Variants in ITIH3 observed in about 807,000 individuals in gnomAD.
ITIH3 encodes the protein inter-alpha-trypsin inhibitor heavy chain 3, also known as inter-alpha-trypsin inhibitor heavy chain H3.
In ITIH3, 81 loss-of-function variants were observed where a neutral mutation model predicts 96.5. The observed-to-expected ratio is 0.84, with a 90% CI of 0.70 to 1.01. ITIH3 has a LOEUF of 1.01. ITIH3 is among the 50% of genes least tolerant of loss of function. The probability of loss-of-function intolerance (pLI) is 0.00; values close to 1 mark genes in which losing one functional copy is unlikely to be tolerated. For synonymous variants in ITIH3, 422 were observed against 445.2 expected, an observed-to-expected ratio of 0.95 and a Z score of 0.66; for missense variants, 1,057 against 1,139.3, an observed-to-expected ratio of 0.93 and a Z score of 1.04.
chr3:52,801,951 C>A (rs1342699835), intron 11 of ITIH3, among the ~76,000 whole-genome samples: 1 of 152,226 alleles, frequency 6.6e-6, no homozygotes, highest in African/African-American at 2.4e-5. Context: ...TTCCCTCCCT[C>A]CTCTGTCTCC....
In ITIH3 at chr3:52,802,483, C is replaced by T; in HGVS notation, c.1533C>T (p.Asp511=). 6.2e-7 allele frequency: 1 copy of T among 1,613,876 alleles called. No individual in the cohort carries two copies. Among genetic ancestry groups the T allele is most frequent in the Admixed American group, 1.7e-5 (1 of 60,024 alleles). ...TGGCCGGGCGCCTGGTGGACGAGGACATGAACAGCTTTAAGGCAGATGTGA... is the reference window on the plus strand; with the variant it reads ...TGGCCGGGCGCCTGGTGGACGAGGATATGAACAGCTTTAAGGCAGATGTGA... ...IVVAGRLVDE[D]MNSFKADVKG... Residue 511 remains aspartate, a synonymous_variant, in exon 12 of 22, where the codon GAC becomes GAT. Transcript: ENST00000449956.
At chr3:52,795,545 G>T (rs1699547216) in intron 1 of ITIH3, 58 bp from the exon 2 acceptor site, 3 of 1,571,220 alleles carry the variant, frequency 1.9e-6, no homozygotes, top group Non-Finnish European at 2.6e-6. Flanking sequence ...CAGGCCATGC[G>T]GCCTTGGTGT....
In ITIH3 at chr3:52,796,862, G is replaced by T; in HGVS notation, c.386+19G>T. The T allele has an allele frequency of 6.5e-7, 1 of 1,527,408 alleles. No homozygotes were observed. The highest frequency in any genetic ancestry group is 8.9e-7 in the Non-Finnish European group (1 of 1,121,842). The allele number at this position is 1,527,408 out of a possible 1,614,324, so 94.6% of individuals were successfully genotyped here. On this transcript the variant is annotated intron_variant, in intron 4 of 21. Coordinates refer to ENST00000449956, the MANE Select transcript of ITIH3 (RefSeq NM_002217.4). ...TGGTCAAGTAAGTATGGACTCCCAG[G>T]CCTTGGGGAGAATGTCTGGGATCCA...
chr3:52,802,933 G>T (rs1699892576), intron 13 of ITIH3, 127 bp downstream of exon 13: 1 of 1,120,410 alleles, frequency 8.9e-7, no homozygotes, highest in East Asian at 2.6e-5. Flanking sequence ...CTGTAGAGCA[G>T]TCTGTAAGGA....
At chr3:52,804,119 T>G in intron 14 of ITIH3, 110 bp downstream of exon 14, 1 of 1,222,166 alleles carries the variant, frequency 8.2e-7, no homozygotes, top group Admixed American at 2.4e-5. Context: ...CCTGCTGAAG[T>G]AGGGCATCTG....
chr3:52,805,846 T>G lies in ITIH3; in HGVS notation c.1906+6T>G, dbSNP rs1578761883. The G allele has an allele frequency of 6.2e-7, 1 of 1,613,526 alleles. No homozygotes were observed. The highest frequency in any genetic ancestry group is 8.5e-7 in the Non-Finnish European group (1 of 1,179,600). ...CCCCGCCATGTCCTACCTGAGTGAG[T>G]ACATGCTGGCAGCTGCCACTCCTCC... On this transcript the variant is annotated splice_donor_region_variant and intron_variant, in intron 16 of 21. Transcript: ENST00000449956.
At chr3:52,807,358 GCCC>G (rs1416448512) in intron 19 of ITIH3, among the ~76,000 whole-genome samples, 5 of 152,252 alleles carry the variant, frequency 3.3e-5, no homozygotes, top group Admixed American at 2.0e-4. Flanking sequence ...GGTGATAATG[GCCC>G]CCATTTGCCT....
At position 52,800,622 on chromosome 3, in the gene ITIH3, C is replaced by T. The variant is rs1442124291; in HGVS notation, c.1160C>T (p.Thr387Ile). 1.3e-6 allele frequency: 2 copies of T among 1,588,166 alleles called. No homozygotes were observed. Among genetic ancestry groups the T allele is most frequent in the Non-Finnish European group, 1.7e-6 (2 of 1,167,126 alleles). ...REEHRIPERS[T>I]SIVIMLTDGD... ...GAGCACAGAATCCCAGAGAGGAGCA[C>T]CTCCATTGTCATCATGCTGACTGAT... is the stretch of plus-strand genomic sequence containing the variant. Residue 387 changes from threonine (T) to isoleucine (I), a missense_variant, in exon 10 of 22, where the codon ACC becomes ATC. Thr to Ile is a moderately conservative substitution (Grantham distance 89). Coordinates refer to ENST00000449956, the MANE Select transcript of ITIH3 (RefSeq NM_002217.4).
chr3:52,808,125 C>G lies in ITIH3; in HGVS notation c.2447C>G (p.Pro816Arg), dbSNP rs1413588708. The G allele has an allele frequency of 3.7e-6, 6 of 1,614,146 alleles. No individual in the cohort carries two copies. The highest frequency in any genetic ancestry group is 3.3e-5 in the South Asian group (3 of 91,084). ...TTCTTCCCAGGGCAATTCTTCCAAC[C>G]CTTTGACTTTAAAGTGTCTGACATC... is the stretch of plus-strand genomic sequence containing the variant. ...THGLLGQFFQPFDFKVSDIRP... is the reference protein window; with the variant it reads ...THGLLGQFFQRFDFKVSDIRP... Residue 816 changes from proline to arginine, a missense_variant, in exon 21 of 22, where the codon CCC becomes CGC. By Grantham distance (103) the Pro-to-Arg change is moderately radical. Coordinates refer to ENST00000449956, the MANE Select transcript of ITIH3 (RefSeq NM_002217.4).
chr3:52,796,659 C>T lies in ITIH3; in HGVS notation c.281+12C>T. The T allele has an allele frequency of 6.2e-7, 1 of 1,609,852 alleles. No individual in the cohort carries two copies. Among genetic ancestry groups the T allele is most frequent in the Non-Finnish European group, 8.5e-7 (1 of 1,176,902 alleles). On this transcript the variant is annotated intron_variant, in intron 3 of 21. Transcript: ENST00000449956. Reference sequence around the variant, plus strand: ...ACCAACTTCACCTTGTGGGTACCACCATGGCTGCTGGCTCTGGGCTCGGGA... The same window carrying T: ...ACCAACTTCACCTTGTGGGTACCACTATGGCTGCTGGCTCTGGGCTCGGGA...
chr3:52,806,267 C>G (rs1700043211), intron 17 of ITIH3, 26 bp from the exon 18 acceptor site: 1 of 1,608,054 alleles, frequency 6.2e-7, no homozygotes, highest in South Asian at 1.1e-5. Flanking sequence ...CCCCGGGAGT[C>G]AGCTCCTTCT....
At chr3:52,795,779 C>A in intron 2 of ITIH3, 156 bp downstream of exon 2, 1 of 675,088 alleles carries the variant, frequency 1.5e-6, no homozygotes, top group Non-Finnish European at 2.5e-6. Context: ...GCGCAGGACT[C>A]CTGGGAAAGA....
rs1699743480 is a variant in ITIH3 at position 52,799,735 on chromosome 3, T to A, written c.907-18T>A. ...ACTCTCTGCTGCGGCTTCTCCCAGC[T>A]CTTTGTCTCTCCTCCAGACAAAGGA... On this transcript the variant is annotated intron_variant, in intron 8 of 21. Coordinates refer to ENST00000449956, the MANE Select transcript of ITIH3 (RefSeq NM_002217.4). 6.2e-7 allele frequency: 1 copy of A among 1,602,438 alleles called. No individual in the cohort carries two copies. The highest frequency in any genetic ancestry group is 1.3e-5 in the African/African-American group (1 of 74,824).
chr3:52,805,891 CT>C (rs887568880), intron 16 of ITIH3, 51 bp downstream of exon 16: 1 of 1,601,608 alleles, frequency 6.2e-7, no homozygotes, highest in African/African-American at 1.3e-5. Flanking sequence ...GAGCCTGCCC[CT>C]GCCACATGTC....
intron 14 of ITIH3, 66 bp from the exon 15 acceptor site, chr3:52,804,660 C>G: frequency 6.5e-7 from 1 of 1,543,258 alleles, no homozygotes; most frequent in Non-Finnish European, 8.8e-7. Flanking sequence ...CAGCTCTGGT[C>G]CCTGCTCACA....
rs769035866 is a variant in ITIH3 at position 52,808,137 on chromosome 3, A to T, written c.2459A>T (p.Lys820Ile). 1.9e-6 allele frequency: 3 copies of T among 1,614,118 alleles called. No individual in the cohort carries two copies. Among genetic ancestry groups the T allele is most frequent in the Non-Finnish European group, 2.5e-6 (3 of 1,179,982 alleles). ...LGQFFQPFDF[K>I]VSDIRPGSDP... Reference sequence around the variant, plus strand: ...CAATTCTTCCAACCCTTTGACTTTAAAGTGTCTGACATCCGGCCAGGCTCT... The same window carrying T: ...CAATTCTTCCAACCCTTTGACTTTATAGTGTCTGACATCCGGCCAGGCTCT... The change falls in exon 21 of 22, where the codon AAA becomes ATA. Residue 820 changes from lysine to isoleucine, a missense_variant. Coordinates refer to ENST00000449956, the MANE Select transcript of ITIH3 (RefSeq NM_002217.4).
rs1441520079 is a variant in ITIH3 at position 52,804,173 on chromosome 3, A to G, written c.1864+164A>G. Reference sequence around the variant, plus strand: ...GATGGGGAAAGTGGGGTGGAGCGTGAAGCAGTCAGCATGGACAGTGGGGTG... The same window carrying G: ...GATGGGGAAAGTGGGGTGGAGCGTGGAGCAGTCAGCATGGACAGTGGGGTG... On this transcript the variant is annotated intron_variant, in intron 14 of 21. Coordinates refer to ENST00000449956, the MANE Select transcript of ITIH3 (RefSeq NM_002217.4). 4.3e-6 allele frequency: 3 copies of G among 691,646 alleles called. No individual in the cohort carries two copies. In the East Asian group the frequency reaches 8.2e-5, roughly 19 times the overall value. 42.8% of individuals were successfully genotyped at this position (691,646 alleles called of 1,614,324 possible).
At chr3:52,801,638 G>T (rs1699833487) in intron 11 of ITIH3, among the ~76,000 whole-genome samples, 1 of 152,102 alleles carries the variant, frequency 6.6e-6, no homozygotes, top group Non-Finnish European at 1.5e-5. Flanking sequence ...TTCTCCCTGT[G>T]TCTGCACATG....
intron 20 of ITIH3, 94 bp downstream of exon 20, chr3:52,808,010 C>G: frequency 6.4e-7 from 1 of 1,570,324 alleles, no homozygotes; most frequent in Non-Finnish European, 8.7e-7. Context: ...ACCCAGCTCA[C>G]AACACCCCAT....
Sources: allele counts gnomAD v4.1 joint callset (sites outside exome capture counted in the v4.1 genomes callset), GRCh38; gene constraint gnomAD v4.1.1; transcripts MANE v1.5; gene names NCBI Gene and HGNC (gene_info 2026-07-23, HGNC 2026-07-21).